Variants in RIN3 observed in about 807,000 individuals in gnomAD.
RIN3 encodes the protein RAB5 interacting protein 3.
A neutral mutation model predicts 76.3 loss-of-function variants in RIN3; 54 were observed. The ratio of observed to expected loss-of-function variants is 0.71; its 90% CI spans 0.57 to 0.89. The LOEUF is 0.89. Ranked by LOEUF, RIN3 falls within the 40% of genes least tolerant of loss-of-function variation. The pLI, the probability that RIN3 is intolerant of heterozygous loss-of-function variation, is 0.00. For synonymous variants in RIN3, 576 were observed against 564.0 expected (o/e 1.02, Z -0.30); for missense variants, 1,256 against 1,322.1 (o/e 0.95, Z 0.78).
intron 1 of RIN3, among the ~76,000 whole-genome samples, chr14:92,518,571 G>A (rs916930773): frequency 6.6e-6 from 1 of 152,164 alleles, no homozygotes. Flanking sequence ...TAGGGACCCT[G>A]CTTGGCCCCA....
At chr14:92,646,689 C>T (rs1368729191) in intron 5 of RIN3, among the ~76,000 whole-genome samples, 2 of 152,214 alleles carry the variant, frequency 1.3e-5, no homozygotes, top group Non-Finnish European at 2.9e-5. Context: ...ATCCGGCCCG[C>T]CTCGGCCTCC....
At chr14:92,668,557 G>A (rs114042987) in intron 7 of RIN3, among the ~76,000 whole-genome samples, 17 of 152,308 alleles carry the variant, frequency 1.1e-4, no homozygotes, top group African/African-American at 4.1e-4. Context: ...CAACCAAACA[G>A]GGTAGCTTCA....
intron 3 of RIN3, among the ~76,000 whole-genome samples, chr14:92,612,784 A>G (rs1352910355): frequency 3.3e-5 from 5 of 152,250 alleles, no homozygotes. Context: ...GATTTTACAA[A>G]TCTGGGGTTT....
At chr14:92,557,076 G>T (rs908262527) in intron 2 of RIN3, among the ~76,000 whole-genome samples, 6 of 152,200 alleles carry the variant, frequency 3.9e-5, no homozygotes, top group African/African-American at 1.4e-4. Flanking sequence ...CCGAAGTCAC[G>T]TTGCATGCGG....
chr14:92,552,492 G>A (rs1897455253), intron 1 of RIN3, among the ~76,000 whole-genome samples: 1 of 152,108 alleles, frequency 6.6e-6, no homozygotes, highest in South Asian at 2.1e-4. Context: ...TGGATTTAGG[G>A]CCAATGCTCC....
At chr14:92,673,747 C>T (rs953822020) in intron 7 of RIN3, among the ~76,000 whole-genome samples, 2 of 152,200 alleles carry the variant, frequency 1.3e-5, no homozygotes, top group African/African-American at 4.8e-5. Flanking sequence ...CTCAGGTGAT[C>T]CGCATGCGTC....
At chr14:92,530,449 A>G (rs1213852756) in intron 1 of RIN3, among the ~76,000 whole-genome samples, 1 of 152,228 alleles carries the variant, frequency 6.6e-6, no homozygotes, top group Admixed American at 6.5e-5. Context: ...CACAGATTTG[A>G]CACTACTAAT....
intron 4 of RIN3, among the ~76,000 whole-genome samples, chr14:92,630,320 G>A (rs1315825577): frequency 1.3e-5 from 2 of 152,056 alleles, no homozygotes; most frequent in Non-Finnish European, 2.9e-5. Context: ...TGGTAAAACC[G>A]CACTCTACTA....
chr14:92,668,877 G>T (rs1888194350), intron 7 of RIN3, among the ~76,000 whole-genome samples: 1 of 152,170 alleles, frequency 6.6e-6, no homozygotes. Context: ...ATTACTAAAG[G>T]TTTCCATTGC....
intron 3 of RIN3, among the ~76,000 whole-genome samples, chr14:92,597,945 C>T (rs1885210694): frequency 6.6e-6 from 1 of 152,176 alleles, no homozygotes; most frequent in African/African-American, 2.4e-5. Context: ...CATATCATCC[C>T]TGGGATATAA....
At position 92,623,919 on chromosome 14, in the gene RIN3, T is replaced by C. The variant is rs999928158; in HGVS notation, c.440+8440T>C. 6.6e-6 allele frequency among the ~76,000 whole-genome samples: 1 copy of C among 152,086 alleles called. No homozygotes were observed. Among genetic ancestry groups the C allele is most frequent in the African/African-American group, 2.4e-5 (1 of 41,382 alleles). The stretch of plus-strand genomic sequence containing the variant: ...GGGGGCTCACCCTCAAGGTGTTGAG[T>C]TTCAGGGAATAGCACAGAGAGAGTT... On this transcript the variant is annotated intron_variant, in intron 4 of 9. Transcript: ENST00000216487. The surrounding 1 kb of genome is among the most constrained non-coding windows in gnomAD (Gnocchi z 4.9).
intron 4 of RIN3, among the ~76,000 whole-genome samples, chr14:92,630,752 AG>A (rs1566876578): frequency 6.6e-6 from 1 of 152,160 alleles, no homozygotes; most frequent in East Asian, 1.9e-4. Flanking sequence ...CTGTATTTTG[AG>A]GGATGTCAGC....
intron 3 of RIN3, among the ~76,000 whole-genome samples, chr14:92,582,972 G>A (rs779110109): frequency 3.9e-5 from 6 of 152,138 alleles, no homozygotes; most frequent in Non-Finnish European, 8.8e-5. Context: ...TTTGAATCCC[G>A]CTGTTTTCTC....
Position 92,661,751 on chromosome 14 carries a change from ACACAC to A in RIN3, c.2335+2283_2335+2287del, listed in dbSNP as rs1566893444. 7.8e-5 allele frequency among the ~76,000 whole-genome samples: 11 copies of A among 141,830 alleles called. No homozygotes were observed. The East Asian group carries it at 1.1e-3, about 14-fold the overall frequency. The allele number at this position is 141,830 out of a possible 152,430, so 93.0% of individuals were successfully genotyped here. On this transcript the variant is annotated intron_variant, in intron 7 of 9. Transcript: ENST00000216487. Reference sequence around the variant, plus strand: ...CACACACACACACACACACACACACACACACACAAAAAATAGAATTGTGCTCCCCA... The same window carrying A: ...CACACACACACACACACACACACACAACAAAAAATAGAATTGTGCTCCCCA...
At chr14:92,555,270 T>C (rs1897544597) in intron 1 of RIN3, among the ~76,000 whole-genome samples, 1 of 152,218 alleles carries the variant, frequency 6.6e-6, no homozygotes, top group Non-Finnish European at 1.5e-5. Context: ...AGTGAGCTGC[T>C]TCTGTTGAAC....
At chr14:92,536,205 C>CT (rs1896996324) in intron 1 of RIN3, among the ~76,000 whole-genome samples, 1 of 152,178 alleles carries the variant, frequency 6.6e-6, no homozygotes, top group African/African-American at 2.4e-5. Flanking sequence ...TTCTCAGCCC[C>CT]TTTCATCTCC....
rs1884918534 is a variant in RIN3 at position 92,589,873 on chromosome 14, C to T, written c.367+12396C>T. On this transcript the variant is annotated intron_variant, in intron 3 of 9. Coordinates refer to ENST00000216487, the MANE Select transcript of RIN3 (RefSeq NM_024832.5). ...CCTAATAAGTAAAACCCTGACCAAA[C>T]TGAAAAGTCAACAACTCTTCTTGGA... Among the ~76,000 whole-genome samples, 2 of 152,206 alleles carry T rather than the reference C, an allele frequency of 1.3e-5. 1 individual carries two copies. The highest frequency in any genetic ancestry group is 4.1e-4 in the South Asian group (2 of 4,824).
chr14:92,520,991 ACGG>A (rs1896582396), intron 1 of RIN3, among the ~76,000 whole-genome samples: 1 of 152,128 alleles, frequency 6.6e-6, no homozygotes, highest in South Asian at 2.1e-4. Flanking sequence ...GACATTTTTG[ACGG>A]AGCATCCATC....
At chr14:92,608,451 A>C (rs1378820167) in intron 3 of RIN3, among the ~76,000 whole-genome samples, 1 of 152,250 alleles carries the variant, frequency 6.6e-6, no homozygotes, top group Non-Finnish European at 1.5e-5. Context: ...GGTTCTGTGC[A>C]AAACAGAAGA....
Sources: gnomAD v4.1 joint callset for allele counts (sites outside exome capture counted in the v4.1 genomes callset) on GRCh38, gnomAD v4.1.1 for gene constraint, Gnocchi (gnomAD v3.1) non-coding constraint, MANE v1.5 for transcripts, NCBI Gene and HGNC (gene_info 2026-07-23, HGNC 2026-07-21) for gene names.